The following MAT2A variants were observed in gnomAD, a reference collection of about 807,000 sequenced individuals.
The protein encoded by MAT2A is methionine adenosyltransferase 2A.
In MAT2A, 3 loss-of-function variants were observed where a neutral mutation model predicts 43.9. The ratio of observed to expected loss-of-function variants is 0.07; its 90% CI spans 0.03 to 0.18. The LOEUF is 0.18. Ranked by LOEUF, MAT2A falls within the 10% of genes least tolerant of loss-of-function variation. The pLI is 1.00. For synonymous variants in MAT2A, 200 were observed against 168.4 expected (o/e 1.19, Z -1.45); for missense variants, 204 against 489.0 (o/e 0.42, Z 5.50).
chr2:85,543,871 C>T lies in MAT2A; in HGVS notation c.*99C>T. ...CCTCCTTCCTAAATTTTCCTGTCCT[C>T]TTTCAGCTCCTGACCAGTTGCAGTC... is the stretch of plus-strand genomic sequence containing the variant. On this transcript the variant is annotated 3_prime_UTR_variant, in exon 9 of 9. Coordinates refer to ENST00000306434, the MANE Select transcript of MAT2A (RefSeq NM_005911.6). 2.9e-6 allele frequency: 2 copies of T among 685,202 alleles called. No homozygotes were observed. The highest frequency in any genetic ancestry group is 3.8e-5 in the South Asian group (2 of 52,632). 42.4% of individuals were successfully genotyped at this position (685,202 alleles called of 1,614,324 possible).
At chr2:85,541,036 CTT>C in intron 1 of MAT2A, 45 bp from the exon 2 acceptor site, 1 of 1,369,706 alleles carries the variant, frequency 7.3e-7, no homozygotes, top group Non-Finnish European at 1.0e-6. Context: ...TACATACATA[CTT>C]TGTTTAAAGT....
chr2:85,539,236 G>C lies in MAT2A; in HGVS notation c.-52G>C, dbSNP rs957241269. The C allele has an allele frequency of 9.7e-6, 13 of 1,339,518 alleles. No homozygotes were observed. The highest frequency in any genetic ancestry group is 5.1e-5 in the East Asian group (2 of 39,120). The allele number at this position is 1,339,518 out of a possible 1,614,324, so 83.0% of individuals were successfully genotyped here. On this transcript the variant is annotated 5_prime_UTR_variant, in exon 1 of 9. Coordinates refer to ENST00000306434, the MANE Select transcript of MAT2A (RefSeq NM_005911.6). ...GCAGCTTGCGCATTTCGCAGCCGCT[G>C]CCGCCTCGCCGCTGCTCCTTCGTAA...
chr2:85,541,019 GCATACATA>G, intron 1 of MAT2A, 56 bp from the exon 2 acceptor site: 1 of 1,033,570 alleles, frequency 9.7e-7, no homozygotes. Context: ...GAGGGAGCTT[GCATACATA>G]CATACATACT....
At chr2:85,540,820 G>A (rs1299812738) in intron 1 of MAT2A, among the ~76,000 whole-genome samples, 1 of 152,226 alleles carries the variant, frequency 6.6e-6, no homozygotes, top group African/African-American at 2.4e-5. Flanking sequence ...GTTTGGTACA[G>A]TTGTGGAAGT....
At chr2:85,541,028 C>T in intron 1 of MAT2A, 55 bp from the exon 2 acceptor site, 3 of 1,227,080 alleles carry the variant, frequency 2.4e-6, no homozygotes, top group African/African-American at 3.0e-5. Flanking sequence ...TGCATACATA[C>T]ATACATACTT....
chr2:85,542,720 A>T lies in MAT2A; in HGVS notation c.924A>T (p.Gly308=). 6.2e-7 allele frequency: 1 copy of T among 1,613,240 alleles called. No homozygotes were observed. The highest frequency in any genetic ancestry group is 8.5e-7 in the Non-Finnish European group (1 of 1,179,348). ...GGGTGGCAAAATCCCTTGTTAAAGG[A>T]GGTCTGTGCCGGAGGGTTCTTGTTC... The part of the protein sequence containing the change: ...ARWVAKSLVK[G]GLCRRVLVQV... Residue 308 remains glycine, a synonymous_variant, in exon 7 of 9, where the codon GGA becomes GGT. Coordinates refer to ENST00000306434, the MANE Select transcript of MAT2A (RefSeq NM_005911.6).
At chr2:85,543,155 T>C in intron 8 of MAT2A, 121 bp downstream of exon 8, 1 of 1,164,054 alleles carries the variant, frequency 8.6e-7, no homozygotes, top group Non-Finnish European at 1.2e-6. Flanking sequence ...TATATTTTAA[T>C]TCCTGGAACA....
In MAT2A at chr2:85,541,244, CTT is replaced by C. The variant is rs769965314; in HGVS notation, c.170-7_170-6del. 1 of 1,613,528 alleles carries C rather than the reference CTT, an allele frequency of 6.2e-7. No individual in the cohort carries two copies. Among genetic ancestry groups the C allele is most frequent in the Non-Finnish European group, 8.5e-7 (1 of 1,179,790 alleles). ...GAAGTGATGTTTGAGTTGAATGTCT[CTT>C]TTTATTAGAAACTGTTGCTAAAACT... On this transcript the variant is annotated splice_polypyrimidine_tract_variant and intron_variant, in intron 2 of 8. Transcript: ENST00000306434.
chr2:85,541,776 T>A (rs764690679), intron 4 of MAT2A, 31 bp downstream of exon 4: 1 of 1,613,628 alleles, frequency 6.2e-7, no homozygotes, highest in Non-Finnish European at 8.5e-7. Flanking sequence ...TTTTAATCTC[T>A]TCTAACATTA....
At chr2:85,543,248 T>C (rs758078681) in intron 8 of MAT2A, 3 of 528,942 alleles carry the variant, frequency 5.7e-6, no homozygotes. Context: ...CTAACCACTC[T>C]AGAGAATGTT....
rs6711750 is a variant in MAT2A, at chr2:85,544,174, T to C, written c.*402T>C. The C allele has an allele frequency of 0.017, 2,653 of 157,684 alleles. 71 individuals are homozygous for C. Among genetic ancestry groups the C allele is most frequent in the African/African-American group, 0.06 (2,495 of 41,646 alleles). 9.8% of individuals were successfully genotyped at this position (157,684 alleles called of 1,614,324 possible). A position where few individuals can be genotyped will look rare whatever the true frequency, so the allele number is the denominator to read the frequency against. ...CGTAAAGTACTTGTAGTTCCACTTATAGCCTCTGTCTGGCAATGCCACAGC... is the reference window on the plus strand; with the variant it reads ...CGTAAAGTACTTGTAGTTCCACTTACAGCCTCTGTCTGGCAATGCCACAGC... On this transcript the variant is annotated 3_prime_UTR_variant, in exon 9 of 9. Transcript: ENST00000306434.
chr2:85,542,498 C>A, intron 6 of MAT2A, 67 bp from the exon 7 acceptor site: 1 of 1,545,938 alleles, frequency 6.5e-7, no homozygotes, highest in Non-Finnish European at 8.9e-7. Context: ...TGAATGAATT[C>A]AGAATAGGCA....
At chr2:85,542,025 G>A (rs557509120) in intron 5 of MAT2A, 53 bp downstream of exon 5, 4 of 1,600,224 alleles carry the variant, frequency 2.5e-6, no homozygotes, top group African/African-American at 1.3e-5. Context: ...CAGCACAGAA[G>A]ATCCATAATT....
chr2:85,542,693 T>C lies in MAT2A; in HGVS notation c.897T>C (p.Arg299=). Reference sequence around the variant, plus strand: ...ACCGTTCAGCTGCTTATGCTGCTCGTTGGGTGGCAAAATCCCTTGTTAAAG... The same window carrying C: ...ACCGTTCAGCTGCTTATGCTGCTCGCTGGGTGGCAAAATCCCTTGTTAAAG... ...KVDRSAAYAA[R]WVAKSLVKGG... The change falls in exon 7 of 9, where the codon CGT becomes CGC. Residue 299 remains arginine (R), a synonymous_variant. Coordinates refer to ENST00000306434, the MANE Select transcript of MAT2A (RefSeq NM_005911.6). The C allele has an allele frequency of 1.2e-6, 2 of 1,613,602 alleles. No individual in the cohort carries two copies. Among genetic ancestry groups the C allele is most frequent in the Non-Finnish European group, 8.5e-7 (1 of 1,179,564 alleles).
chr2:85,539,634 G>A (rs1258134985), intron 1 of MAT2A: 2 of 357,180 alleles, frequency 5.6e-6, no homozygotes, highest in East Asian at 1.1e-4. Flanking sequence ...GCATGCGGAA[G>A]GTTCCAGAAA....
rs186495588 is a variant in MAT2A, at chr2:85,541,454, C to T, written c.292+77C>T. The T allele has an allele frequency of 2.9e-5, 44 of 1,536,706 alleles. No homozygotes were observed. In the African/African-American group the frequency reaches 4.8e-4, roughly 17 times the overall value. On this transcript the variant is annotated intron_variant, in intron 3 of 8. Coordinates refer to ENST00000306434, the MANE Select transcript of MAT2A (RefSeq NM_005911.6). Reference sequence around the variant, plus strand: ...TGAAGAAACTCCTAGAATGTTCCTGCTAATCCTAAACTCCAGTTGTATCTT... The same window carrying T: ...TGAAGAAACTCCTAGAATGTTCCTGTTAATCCTAAACTCCAGTTGTATCTT...
In MAT2A at chr2:85,543,714, A is replaced by G; in HGVS notation, c.1130A>G (p.Tyr377Cys). 1.2e-6 allele frequency: 2 copies of G among 1,612,974 alleles called. No homozygotes were observed. Among genetic ancestry groups the G allele is most frequent in the Non-Finnish European group, 1.7e-6 (2 of 1,179,282 alleles). Reference sequence around the variant, plus strand: ...CCAATTTATCAGAGGACTGCAGCCTATGGCCACTTTGGTAGGGACAGCTTC... The same window carrying G: ...CCAATTTATCAGAGGACTGCAGCCTGTGGCCACTTTGGTAGGGACAGCTTC... ...KKPIYQRTAAYGHFGRDSFPW... is the reference protein window; with the variant it reads ...KKPIYQRTAACGHFGRDSFPW... Residue 377 changes from tyrosine to cysteine, a missense_variant, in exon 9 of 9, where the codon TAT becomes TGT. Tyr to Cys is a radical substitution (Grantham distance 194, BLOSUM62 -2). Transcript: ENST00000306434.
At position 85,541,985 on chromosome 2, in the gene MAT2A, C is replaced by T. The variant is rs369491361; in HGVS notation, c.549+13C>T. The T allele has an allele frequency of 4.4e-6, 7 of 1,608,918 alleles. No individual in the cohort carries two copies. Among genetic ancestry groups the T allele is most frequent in the East Asian group, 4.5e-5 (2 of 44,744 alleles). Reference sequence around the variant, plus strand: ...TTCTAAAACTCAAGTAAGTGATGATCATAAAGCTTGGTTGTCTCATTTATT... The same window carrying T: ...TTCTAAAACTCAAGTAAGTGATGATTATAAAGCTTGGTTGTCTCATTTATT... On this transcript the variant is annotated intron_variant, in intron 5 of 8. Coordinates refer to ENST00000306434, the MANE Select transcript of MAT2A (RefSeq NM_005911.6).
intron 1 of MAT2A, 47 bp downstream of exon 1, chr2:85,539,425 C>G: frequency 2.1e-6 from 3 of 1,463,410 alleles, no homozygotes; most frequent in Non-Finnish European, 2.8e-6. Context: ...CAGAAGGCAG[C>G]GCCAAGGTCC....
Sources: allele counts gnomAD v4.1 joint callset (sites outside exome capture counted in the v4.1 genomes callset), GRCh38; gene constraint gnomAD v4.1.1; transcripts MANE v1.5; gene names NCBI Gene and HGNC (gene_info 2026-07-23, HGNC 2026-07-21).